Variants in PIK3R4 observed in about 807,000 individuals in gnomAD.
PIK3R4 encodes phosphoinositide-3-kinase regulatory subunit 4.
PIK3R4 carries 46 observed loss-of-function variants against 136.5 expected under a neutral mutation model. The ratio of observed to expected loss-of-function variants is 0.34; its 90% confidence interval spans 0.27 to 0.43. The LOEUF (loss-of-function observed/expected upper bound fraction) is 0.43. PIK3R4 is among the 20% of genes least tolerant of loss of function. The probability of loss-of-function intolerance (pLI) is 1.00; values close to 1 mark genes in which losing one functional copy is unlikely to be tolerated. For missense variants in PIK3R4, 1,331 were observed against 1,649.5 expected (o/e 0.81, Z 3.35); for synonymous variants, 557 against 566.7 (o/e 0.98, Z 0.24).
At chr3:130,703,700 A>T (rs1392062595) in intron 13 of PIK3R4, 23 bp downstream of exon 13, 1 of 1,552,034 alleles carries the variant, frequency 6.4e-7, no homozygotes, top group South Asian at 1.1e-5. Flanking sequence ...TAATGAACTG[A>T]TTCATTCCTG....
intron 16 of PIK3R4, among the ~76,000 whole-genome samples, chr3:130,681,935 C>T (rs575050137): frequency 2.6e-5 from 4 of 152,184 alleles, no homozygotes; most frequent in African/African-American, 9.6e-5. Flanking sequence ...GTCAGTGTGG[C>T]AGGAACAGAC....
chr3:130,718,892 G>C (rs1304414701), intron 7 of PIK3R4, among the ~76,000 whole-genome samples: 4 of 152,102 alleles, frequency 2.6e-5, no homozygotes, highest in Non-Finnish European at 5.9e-5. Context: ...ACAGCATATA[G>C]CTAACTATTA....
Position 130,686,241 on chromosome 3 carries a change from C to A in PIK3R4, c.3445G>T (p.Val1149Leu). 1.2e-6 allele frequency: 2 copies of A among 1,613,164 alleles called. No individual in the cohort carries two copies. The highest frequency in any genetic ancestry group is 1.7e-6 in the Non-Finnish European group (2 of 1,179,258). Residue 1149 changes from valine to leucine, a missense_variant, in exon 15 of 20, where the codon GTG becomes TTG. By Grantham distance (32) the Val-to-Leu change is conservative (BLOSUM62 1). Around this residue, in one of 2 missense-constraint regions of PIK3R4, gnomAD observed 1,180 missense variants for 1,407.0 expected, o/e 0.84. Coordinates refer to ENST00000356763, the MANE Select transcript of PIK3R4 (RefSeq NM_014602.3). The part of the protein sequence containing the change: ...LKSGLITSFA[V>L]DIHQCWLCIG... ...CAGAGCCAGCATTGGTGGATGTCCA[C>A]AGCAAAGGAAGTGATGAGGCCCGAC...
chr3:130,703,996 C>T lies in PIK3R4; in HGVS notation c.2933-108G>A, dbSNP rs1483332660. The T allele has an allele frequency of 8.3e-6, 6 of 726,580 alleles. No individual in the cohort carries two copies. In the East Asian group the frequency reaches 1.3e-4, roughly 16 times the overall value. 45.0% of individuals were successfully genotyped at this position (726,580 alleles called of 1,614,324 possible). ...ACCAGCTTGAAAACAATCATAAGAACTAAAATATTTGAAAGTACCAATAGT... is the reference window on the plus strand; with the variant it reads ...ACCAGCTTGAAAACAATCATAAGAATTAAAATATTTGAAAGTACCAATAGT... On this transcript the variant is annotated intron_variant, in intron 12 of 19. Coordinates refer to ENST00000356763, the MANE Select transcript of PIK3R4 (RefSeq NM_014602.3).
chr3:130,684,384 T>G lies in PIK3R4; in HGVS notation c.3476-3A>C. 1 of 1,611,180 alleles carries G rather than the reference T, an allele frequency of 6.2e-7. No homozygotes were observed. The highest frequency in any genetic ancestry group is 8.5e-7 in the Non-Finnish European group (1 of 1,178,474). On this transcript the variant is annotated splice_region_variant and splice_polypyrimidine_tract_variant and intron_variant, in intron 15 of 19. Transcript: ENST00000356763. ...AGCCATGGTACCACTGCTTGTACCT[T>G]AAAGAAAAAAGGAAAAAAAGATTAC...
intron 14 of PIK3R4, among the ~76,000 whole-genome samples, chr3:130,687,780 T>A (rs2066497483): frequency 6.6e-6 from 1 of 152,200 alleles, no homozygotes; most frequent in Non-Finnish European, 1.5e-5. Flanking sequence ...TTAGCTCTTG[T>A]GCCCTTTCAA....
intron 9 of PIK3R4, among the ~76,000 whole-genome samples, chr3:130,714,115 G>T (rs1351529730): frequency 6.6e-6 from 1 of 152,138 alleles, no homozygotes; most frequent in Non-Finnish European, 1.5e-5. Flanking sequence ...TTACTCAGGA[G>T]AAACAACAGA....
chr3:130,680,123 T>C (rs752809924), intron 19 of PIK3R4, among the ~76,000 whole-genome samples: 1 of 151,274 alleles, frequency 6.6e-6, no homozygotes, highest in Non-Finnish European at 1.5e-5. Flanking sequence ...ATAGCAGATA[T>C]TCTACCACTT....
chr3:130,686,224 G>A lies in PIK3R4; in HGVS notation c.3462C>T (p.Cys1154=), dbSNP rs1322340588. The A allele has an allele frequency of 6.2e-7, 1 of 1,609,984 alleles. No homozygotes were observed. The highest frequency in any genetic ancestry group is 8.5e-7 in the Non-Finnish European group (1 of 1,176,494). ...ITSFAVDIHQ[C]WLCIGTSSGT... is the part of the protein sequence containing the mutation. ...AAGTTAGCTTACCAATGCAGAGCCA[G>A]CATTGGTGGATGTCCACAGCAAAGG... Residue 1154 remains cysteine, a synonymous_variant, in exon 15 of 20, where the codon TGC becomes TGT. Transcript: ENST00000356763.
At chr3:130,722,811 C>T (rs1333706973) in intron 7 of PIK3R4, among the ~76,000 whole-genome samples, 1 of 150,784 alleles carries the variant, frequency 6.6e-6, no homozygotes, top group Non-Finnish European at 1.5e-5. Flanking sequence ...AATCCCAGCA[C>T]TTCGGGAGGC....
chr3:130,681,364 T>G, intron 17 of PIK3R4, 127 bp downstream of exon 17: 1 of 684,624 alleles, frequency 1.5e-6, no homozygotes. Flanking sequence ...TGATACTTGA[T>G]GTTATTAAAA....
intron 13 of PIK3R4, among the ~76,000 whole-genome samples, chr3:130,701,233 T>A (rs1324265461): frequency 6.6e-6 from 1 of 152,054 alleles, no homozygotes; most frequent in Non-Finnish European, 1.5e-5. Context: ...AAGAATGGGC[T>A]GGGTGCGGTG....
rs757612727 is a variant in PIK3R4, at chr3:130,703,904, G to T, written c.2933-16C>A. The T allele has an allele frequency of 3.8e-6, 6 of 1,590,018 alleles. No individual in the cohort carries two copies. Among genetic ancestry groups the T allele is most frequent in the Middle Eastern group, 1.7e-4 (1 of 5,996 alleles). ...GGACGCCATCCTAAGGAAAAGCAAA[G>T]GAGTGTATCATAAACTGTAGTTTAC... On this transcript the variant is annotated splice_polypyrimidine_tract_variant and intron_variant, in intron 12 of 19. Transcript: ENST00000356763.
chr3:130,723,133 A>G (rs748670272), intron 7 of PIK3R4, among the ~76,000 whole-genome samples: 3 of 150,756 alleles, frequency 2.0e-5, no homozygotes, highest in Non-Finnish European at 4.4e-5. Flanking sequence ...AACAAAAACC[A>G]AAGTCTTGCT....
chr3:130,701,672 T>C (rs1257569530), intron 13 of PIK3R4, among the ~76,000 whole-genome samples: 1 of 152,114 alleles, frequency 6.6e-6, no homozygotes, highest in African/African-American at 2.4e-5. Context: ...GTGGTATTAT[T>C]TGTCAGAACT....
chr3:130,744,869 C>T lies in PIK3R4; in HGVS notation c.350G>A (p.Arg117His). The change falls in exon 2 of 20, where the codon CGT becomes CAT. Residue 117 changes from arginine to histidine, a missense_variant. Arg to His is a conservative substitution (Grantham distance 29). This residue lies in a region of PIK3R4 where 151 missense variants were observed against 242.5 expected (regional missense o/e 0.62). Transcript: ENST00000356763. ...CTTCTCAATGTTATTCAAGAATGGA[C>T]GGGTACTGATGCGATCATAGAGATT... ...RDNLYDRIST[R>H]PFLNNIEKRW... 1.2e-6 allele frequency: 2 copies of T among 1,614,174 alleles called. No homozygotes were observed. The highest frequency in any genetic ancestry group is 2.2e-5 in the East Asian group (1 of 44,884).
chr3:130,727,157 A>AT (rs1261901435), intron 6 of PIK3R4, among the ~76,000 whole-genome samples: 1 of 152,006 alleles, frequency 6.6e-6, no homozygotes, highest in African/African-American at 2.4e-5. Flanking sequence ...CTTGCATTTT[A>AT]TTTTTTTAGC....
At position 130,745,086 on chromosome 3, in the gene PIK3R4, G is replaced by A; in HGVS notation, c.133C>T (p.His45Tyr). Residue 45 changes from histidine to tyrosine, a missense_variant, in exon 2 of 20, where the codon CAC becomes TAC. Transcript: ENST00000356763. ...TRFFKVARAK[H>Y]REGLVVVKVF... is the part of the protein sequence containing the mutation. ...TTCACAACGACCAGGCCTTCTCGGT[G>A]CTTGGCTCGAGCAACTTTAAAAAAC... 5 of 1,613,812 alleles carry A rather than the reference G, an allele frequency of 3.1e-6. No individual in the cohort carries two copies. Among genetic ancestry groups the A allele is most frequent in the Non-Finnish European group, 4.2e-6 (5 of 1,179,986 alleles).
At chr3:130,741,797 C>T (rs2066825379) in intron 2 of PIK3R4, among the ~76,000 whole-genome samples, 1 of 152,134 alleles carries the variant, frequency 6.6e-6, no homozygotes, top group Non-Finnish European at 1.5e-5. Context: ...CTGGCACCTA[C>T]GTAACAATGG....
Sources: allele counts gnomAD v4.1 joint callset (sites outside exome capture counted in the v4.1 genomes callset), GRCh38; gene constraint gnomAD v4.1.1; regional missense constraint gnomAD v4.1.1; transcripts MANE v1.5; gene names NCBI Gene and HGNC (gene_info 2026-07-23, HGNC 2026-07-21).